Variants in DLG2 observed in about 807,000 individuals in gnomAD.
DLG2 encodes discs large MAGUK scaffold protein 2.
DLG2 carries 45 observed loss-of-function variants against 132.5 expected under a neutral mutation model. The ratio of observed to expected loss-of-function variants is 0.34; its 90% CI spans 0.27 to 0.44. The LOEUF (loss-of-function observed/expected upper bound fraction) is 0.44, where lower values mean the gene tolerates loss of function less well. Among genes scored for constraint, DLG2 ranks in the 20% least tolerant of loss-of-function variants. The pLI, the probability that DLG2 is intolerant of heterozygous loss-of-function variation, is 1.00. For missense variants in DLG2, 1,045 were observed against 1,196.9 expected, an observed-to-expected ratio of 0.87 and a Z score of 1.87; for synonymous variants, 424 against 419.6, an observed-to-expected ratio of 1.01 and a Z score of -0.13.
chr11:85,271,858 C>T (rs574390420), intron 4 of DLG2, among the ~76,000 whole-genome samples: 129 of 152,266 alleles, frequency 8.5e-4, no homozygotes, highest in Admixed American at 1.8e-3. Flanking sequence ...GGCTCATAGG[C>T]CAAAGGGACT....
intron 15 of DLG2, among the ~76,000 whole-genome samples, chr11:83,887,284 A>G (rs2068198085): frequency 6.6e-6 from 1 of 152,172 alleles, no homozygotes; most frequent in South Asian, 2.1e-4. Context: ...CCGATCTCAC[A>G]GAAATACAAA....
At chr11:84,856,586 A>C (rs2082819193) in intron 6 of DLG2, among the ~76,000 whole-genome samples, 2 of 152,040 alleles carry the variant, frequency 1.3e-5, no homozygotes, top group South Asian at 4.2e-4. Context: ...TACTAGTCTA[A>C]GCTATTATCC....
At chr11:84,202,049 C>A (rs958461779) in intron 8 of DLG2, among the ~76,000 whole-genome samples, 1 of 151,868 alleles carries the variant, frequency 6.6e-6, no homozygotes, top group Admixed American at 6.6e-5. Flanking sequence ...GAACTCCTGA[C>A]TTCATGATCC....
intron 6 of DLG2, among the ~76,000 whole-genome samples, chr11:84,689,693 A>C (rs2153723000): frequency 6.6e-6 from 1 of 152,204 alleles, no homozygotes; most frequent in East Asian, 1.9e-4. Flanking sequence ...CATTTTGCTC[A>C]TCATTAAAGC....
intron 16 of DLG2, among the ~76,000 whole-genome samples, chr11:83,866,070 G>T (rs2062301914): frequency 6.6e-6 from 1 of 151,782 alleles, no homozygotes; most frequent in South Asian, 2.1e-4. Context: ...GAGCATCACA[G>T]TCCCCCCTTT....
intron 2 of DLG2, among the ~76,000 whole-genome samples, chr11:85,626,358 A>T (rs1233549835): frequency 6.6e-6 from 1 of 152,236 alleles, no homozygotes; most frequent in African/African-American, 2.4e-5. Flanking sequence ...TCTTATTACC[A>T]ACGGTGATAT....
chr11:84,594,311 A>C (rs1003872903), intron 6 of DLG2, among the ~76,000 whole-genome samples: 1 of 152,214 alleles, frequency 6.6e-6, no homozygotes, highest in Non-Finnish European at 1.5e-5. Context: ...CCAGAAGACA[A>C]GGGAACATGG....
At chr11:85,457,184 CT>C (rs35970313) in intron 3 of DLG2, among the ~76,000 whole-genome samples, 116,907 of 132,620 alleles carry the variant, frequency 0.88, 51,147 homozygotes, top group East Asian at 0.95. Flanking sequence ...CCTTCTTTGT[CT>C]TTTTTTTTTT....
At chr11:84,702,647 C>A (rs2059330248) in intron 6 of DLG2, among the ~76,000 whole-genome samples, 1 of 151,626 alleles carries the variant, frequency 6.6e-6, no homozygotes, top group Admixed American at 6.6e-5. Context: ...CTTTCTAATT[C>A]TAACTCATCC....
At chr11:84,980,336 T>C (rs2055555990) in intron 6 of DLG2, among the ~76,000 whole-genome samples, 2 of 152,312 alleles carry the variant, frequency 1.3e-5, no homozygotes, top group Non-Finnish European at 2.9e-5. Flanking sequence ...GTGGCAGTTC[T>C]CACCAAGAAT....
chr11:83,602,077 T>G (rs1471913457), intron 19 of DLG2, among the ~76,000 whole-genome samples: 1 of 152,146 alleles, frequency 6.6e-6, no homozygotes, highest in East Asian at 1.9e-4. Flanking sequence ...TGTGCTGCAG[T>G]GGGAATAAAT....
intron 7 of DLG2, among the ~76,000 whole-genome samples, chr11:84,492,678 T>C (rs2099168452): frequency 6.6e-6 from 1 of 152,140 alleles, no homozygotes; most frequent in Admixed American, 6.6e-5. Context: ...TAGTAAGTGT[T>C]AGTTGCTGTT....
At chr11:84,878,670 G>A (rs560658564) in intron 6 of DLG2, among the ~76,000 whole-genome samples, 62 of 152,062 alleles carry the variant, frequency 4.1e-4, no homozygotes, top group East Asian at 1.9e-4. Flanking sequence ...AAAGCTGCAC[G>A]TTCTGCACAT....
chr11:85,217,316 TCTCACACACACACACA>T (rs1447921986), intron 4 of DLG2, among the ~76,000 whole-genome samples: 1 of 138,290 alleles, frequency 7.2e-6, no homozygotes, highest in African/African-American at 2.8e-5. Flanking sequence ...TCTCTCTCTC[TCTCACACACACACACA>T]CACACACACA....
intron 7 of DLG2, among the ~76,000 whole-genome samples, chr11:84,467,212 C>G: frequency 6.6e-6 from 1 of 151,240 alleles, no homozygotes; most frequent in East Asian, 1.9e-4. Context: ...CTAGGAAAAT[C>G]TGATAACAAT....
At chr11:84,165,659 G>T (rs1345959227) in intron 8 of DLG2, among the ~76,000 whole-genome samples, 2 of 152,056 alleles carry the variant, frequency 1.3e-5, no homozygotes, top group African/African-American at 4.8e-5. Context: ...CAGCACTTTG[G>T]GAGGCTGATG....
At chr11:84,375,569 CTTTT>C (rs1567456993) in intron 7 of DLG2, among the ~76,000 whole-genome samples, 1 of 151,864 alleles carries the variant, frequency 6.6e-6, no homozygotes, top group Non-Finnish European at 1.5e-5. Context: ...GGATATCTAT[CTTTT>C]TGTCTACAGA....
intron 7 of DLG2, among the ~76,000 whole-genome samples, chr11:84,504,792 T>A (rs73509116): frequency 0.1 from 15,561 of 150,702 alleles, 957 homozygotes; most frequent in African/African-American, 0.18. Context: ...TGATAAAAAG[T>A]CAATGTGTTG....
At chr11:83,466,617 A>C in intron 26 of DLG2, 91 bp downstream of exon 26, 1 of 663,980 alleles carries the variant, frequency 1.5e-6, no homozygotes, top group Non-Finnish European at 2.7e-6. Flanking sequence ...TCCCATTTGT[A>C]AGCATTCCCA....
Sources: allele counts gnomAD v4.1 joint callset (sites outside exome capture counted in the v4.1 genomes callset), GRCh38; gene constraint gnomAD v4.1.1; transcripts MANE v1.5; gene names NCBI Gene and HGNC (gene_info 2026-07-23, HGNC 2026-07-21).